The following MSRB3 variants were observed in gnomAD, a reference collection of about 807,000 sequenced individuals.
The protein encoded by MSRB3 is methionine-R-sulfoxide reductase B3.
MSRB3 carries 13 observed loss-of-function variants against 21.0 expected under a neutral mutation model. That is an observed-to-expected ratio of 0.62 (90% CI 0.40 to 0.98). The LOEUF is 0.98. Ranked by LOEUF, MSRB3 falls within the 50% of genes least tolerant of loss-of-function variation. The pLI, the probability that MSRB3 is intolerant of heterozygous loss-of-function variation, is 0.00. For synonymous variants in MSRB3, 87 were observed against 88.6 expected, an observed-to-expected ratio of 0.98 and a Z score of 0.10; for missense variants, 199 against 230.3, an observed-to-expected ratio of 0.86 and a Z score of 0.88.
intron 5 of MSRB3, among the ~76,000 whole-genome samples, chr12:65,417,550 G>A (rs1488208615): frequency 6.6e-6 from 1 of 152,106 alleles, no homozygotes; most frequent in Non-Finnish European, 1.5e-5. Flanking sequence ...ACCATAGGTT[G>A]TTATTTACTG....
chr12:65,445,641 T>C (rs1183028565), intron 5 of MSRB3, among the ~76,000 whole-genome samples: 2 of 138,552 alleles, frequency 1.4e-5, no homozygotes, highest in Non-Finnish European at 3.1e-5. Context: ...TCAAGACACA[T>C]ATATATAATT....
intron 1 of MSRB3, among the ~76,000 whole-genome samples, chr12:65,294,077 G>A (rs1872811565): frequency 6.6e-6 from 1 of 152,168 alleles, no homozygotes; most frequent in African/African-American, 2.4e-5. Flanking sequence ...TCCAGGCAGT[G>A]CCCCCAGTAT....
chr12:65,322,660 C>CAAAAAAAAA (rs34770864), intron 2 of MSRB3, among the ~76,000 whole-genome samples: 1 of 87,622 alleles, frequency 1.1e-5, no homozygotes, highest in African/African-American at 4.7e-5. Flanking sequence ...GACTCCATCT[C>CAAAAAAAAA]AAAAAAAAAA....
chr12:65,381,059 T>C (rs1319225403), intron 5 of MSRB3, among the ~76,000 whole-genome samples: 1 of 152,146 alleles, frequency 6.6e-6, no homozygotes, highest in Non-Finnish European at 1.5e-5. Context: ...CTGTAAGAAT[T>C]TTAATTAAAA....
chr12:65,292,288 G>C (rs918789913), intron 1 of MSRB3, among the ~76,000 whole-genome samples: 1 of 152,126 alleles, frequency 6.6e-6, no homozygotes, highest in Non-Finnish European at 1.5e-5. Context: ...TTAGTTATCT[G>C]TGCCTCAGTT....
At chr12:65,300,236 C>A (rs987443381) in intron 1 of MSRB3, among the ~76,000 whole-genome samples, 3 of 152,114 alleles carry the variant, frequency 2.0e-5, no homozygotes, top group Non-Finnish European at 4.4e-5. Flanking sequence ...ACTTTTGCAG[C>A]TGAGGAAAAT....
In MSRB3 at chr12:65,367,570, C is replaced by T. The variant is rs566109342; in HGVS notation, c.264-1428C>T. 4.6e-5 allele frequency among the ~76,000 whole-genome samples: 7 copies of T among 152,230 alleles called. No individual in the cohort carries two copies. In the East Asian group the frequency reaches 1.4e-3, roughly 29 times the overall value. ...GGCTACAGAGGTTAATAAGGCATGG[C>T]TATAGTTGAGTGGGGGAGATAGATA... On this transcript the variant is annotated intron_variant, in intron 4 of 6. Transcript: ENST00000308259.
chr12:65,356,708 A>C lies in MSRB3; in HGVS notation c.264-12290A>C, dbSNP rs527524951. 9.9e-4 allele frequency among the ~76,000 whole-genome samples: 151 copies of C among 152,060 alleles called. No individual in the cohort carries two copies. The Middle Eastern group carries it at 0.01, about 10-fold the overall frequency. On this transcript the variant is annotated intron_variant, in intron 4 of 6. Transcript: ENST00000308259. ...AACATTCAGGTTAGTGGTTCTCAGG[A>C]TTAGCTAGAGAACTTAAAAGTATAG...
intron 4 of MSRB3, among the ~76,000 whole-genome samples, chr12:65,348,496 G>T (rs1565846755): frequency 6.6e-6 from 1 of 151,710 alleles, no homozygotes; most frequent in African/African-American, 2.4e-5. Flanking sequence ...TATTAGTCTT[G>T]CTAGCAGTCT....
intron 4 of MSRB3, among the ~76,000 whole-genome samples, chr12:65,336,496 T>TGCCTC (rs1391773494): frequency 3.3e-5 from 5 of 152,246 alleles, no homozygotes. Context: ...AATCTTGCCT[T>TGCCTC]GCCTCGTATT....
At chr12:65,410,065 G>A (rs892841733) in intron 5 of MSRB3, among the ~76,000 whole-genome samples, 1 of 151,818 alleles carries the variant, frequency 6.6e-6, no homozygotes. Flanking sequence ...AACCTAGTTT[G>A]TCATTTATGT....
intron 6 of MSRB3, among the ~76,000 whole-genome samples, chr12:65,458,824 T>A (rs981656039): frequency 6.6e-6 from 1 of 152,248 alleles, no homozygotes; most frequent in Non-Finnish European, 1.5e-5. Flanking sequence ...TTTCCTTGAT[T>A]TAATTTATAT....
At chr12:65,317,319 C>G (rs1020204626) in intron 2 of MSRB3, among the ~76,000 whole-genome samples, 1 of 152,176 alleles carries the variant, frequency 6.6e-6, no homozygotes, top group Non-Finnish European at 1.5e-5. Context: ...TCTTGGTAAT[C>G]TGGATGCAGC....
At position 65,463,195 on chromosome 12, in the gene MSRB3, G is replaced by C; in HGVS notation, c.431G>C (p.Arg144Pro). The C allele has an allele frequency of 6.2e-7, 1 of 1,614,128 alleles. No homozygotes were observed. The highest frequency in any genetic ancestry group is 1.1e-5 in the South Asian group (1 of 91,086). The change falls in exon 7 of 7, where the codon CGT (arginine) becomes CCT (proline). Residue 144 changes from arginine (R) to proline (P), a missense_variant. Coordinates refer to ENST00000308259, the MANE Select transcript of MSRB3 (RefSeq NM_001031679.3). ...HLGHIFDDGP[R>P]PTGKRYCINS... The stretch of plus-strand genomic sequence containing the variant: ...GGGCACATTTTTGATGATGGGCCTC[G>C]TCCAACTGGGAAAAGATACTGCATA...
chr12:65,459,436 C>T (rs1254788294), intron 6 of MSRB3, among the ~76,000 whole-genome samples: 1 of 152,102 alleles, frequency 6.6e-6, no homozygotes, highest in Non-Finnish European at 1.5e-5. Context: ...TTTTCTTGAT[C>T]TTTCAGTAAA....
chr12:65,322,983 C>T (rs1337444063), intron 2 of MSRB3, among the ~76,000 whole-genome samples: 1 of 152,186 alleles, frequency 6.6e-6, no homozygotes, highest in Non-Finnish European at 1.5e-5. Context: ...GAGGAAAATA[C>T]TGTTCCCAGG....
intron 4 of MSRB3, among the ~76,000 whole-genome samples, chr12:65,353,009 G>T (rs977207352): frequency 4.6e-5 from 7 of 151,678 alleles, no homozygotes; most frequent in Non-Finnish European, 1.5e-5. Flanking sequence ...CATCGCCAAG[G>T]CAATCCTAAG....
chr12:65,331,469 TA>T (rs906470318), intron 4 of MSRB3, among the ~76,000 whole-genome samples: 2 of 152,200 alleles, frequency 1.3e-5, no homozygotes, highest in African/African-American at 4.8e-5. Context: ...CTGTTGCCAC[TA>T]AACAGCAGAG....
At chr12:65,419,397 C>A in intron 5 of MSRB3, 1 of 750,144 alleles carries the variant, frequency 1.3e-6, no homozygotes. Context: ...AGAGCAGCTC[C>A]TCCTTGAGAG....
Sources: allele counts gnomAD v4.1 joint callset (sites outside exome capture counted in the v4.1 genomes callset), GRCh38; gene constraint gnomAD v4.1.1; transcripts MANE v1.5; gene names NCBI Gene and HGNC (gene_info 2026-07-23, HGNC 2026-07-21).